The following CSMD1 variants were observed in gnomAD, a reference collection of about 807,000 sequenced individuals.
CSMD1 encodes the protein CUB and Sushi multiple domains 1, also known as CUB and sushi domain-containing protein 1.
CSMD1 carries 213 observed loss-of-function variants against 417.5 expected under a neutral mutation model. That is an observed-to-expected ratio of 0.51 (90% confidence interval 0.46 to 0.57). The LOEUF is 0.57. CSMD1 is among the 20% of genes least tolerant of loss of function. The pLI is 0.00. For missense variants in CSMD1, 6,923 were observed against 4,529.7 expected, an observed-to-expected ratio of 1.53 and a Z score of -15.17; for synonymous variants, 2,862 against 1,736.8, an observed-to-expected ratio of 1.65 and a Z score of -16.11.
At chr8:3,420,808 C>T (rs571802900) in intron 12 of CSMD1, among the ~76,000 whole-genome samples, 1 of 152,198 alleles carries the variant, frequency 6.6e-6, no homozygotes, top group Non-Finnish European at 1.5e-5. Context: ...GGATTGAAAA[C>T]ATTCCTTAAA....
At chr8:3,935,755 C>A (rs1255955926) in intron 5 of CSMD1, among the ~76,000 whole-genome samples, 2 of 152,142 alleles carry the variant, frequency 1.3e-5, no homozygotes, top group African/African-American at 4.8e-5. Flanking sequence ...CCGTGAGACA[C>A]AGCAATAATC....
intron 41 of CSMD1, among the ~76,000 whole-genome samples, chr8:3,135,268 A>C (rs943863955): frequency 3.9e-5 from 6 of 152,238 alleles, no homozygotes; most frequent in African/African-American, 1.4e-4. Context: ...ACATGAGGAC[A>C]TAAGAAAACA....
intron 12 of CSMD1, among the ~76,000 whole-genome samples, chr8:3,452,615 A>T (rs1208461133): frequency 2.0e-5 from 3 of 152,224 alleles, no homozygotes; most frequent in African/African-American, 4.8e-5. Flanking sequence ...ATGCTGGATT[A>T]TGTTAATTGA....
chr8:3,201,565 C>T lies in CSMD1; in HGVS notation c.5098+47G>A, dbSNP rs1796994079. ...AAACAGACAAGTTAAAAATTAATCC[C>T]CCTAGCTGTCTGAACTAAATTAAGG... On this transcript the variant is annotated intron_variant, in intron 32 of 69. Coordinates refer to ENST00000635120, the MANE Select transcript of CSMD1 (RefSeq NM_033225.6). 4.9e-6 allele frequency: 5 copies of T among 1,011,180 alleles called. No homozygotes were observed. In the Admixed American group the frequency reaches 8.8e-5, roughly 18 times the overall value. 62.6% of individuals were successfully genotyped at this position (1,011,180 alleles called of 1,614,324 possible). A position where few individuals can be genotyped will look rare whatever the true frequency, so the allele number is the denominator to read the frequency against.
chr8:3,100,804 G>A (rs28399802), intron 46 of CSMD1, among the ~76,000 whole-genome samples: 4,458 of 152,184 alleles, frequency 0.029, 208 homozygotes, highest in African/African-American at 0.099. Context: ...AGCATAAATT[G>A]GGATTTATGA....
chr8:3,294,617 G>A (rs965427587), intron 25 of CSMD1, among the ~76,000 whole-genome samples: 2 of 152,196 alleles, frequency 1.3e-5, no homozygotes, highest in Admixed American at 6.5e-5. Context: ...GACCCTCTGA[G>A]TCATGCACGG....
intron 10 of CSMD1, among the ~76,000 whole-genome samples, chr8:3,542,716 G>C (rs779850718): frequency 6.6e-6 from 1 of 152,176 alleles, no homozygotes; most frequent in Non-Finnish European, 1.5e-5. Flanking sequence ...AAATGTGCTG[G>C]GGATGCTGTA....
At chr8:4,183,212 G>C (rs905979942) in intron 3 of CSMD1, among the ~76,000 whole-genome samples, 1 of 152,122 alleles carries the variant, frequency 6.6e-6, no homozygotes, top group Non-Finnish European at 1.5e-5. Context: ...GGTATACAGA[G>C]TTTGGAAAAT....
intron 3 of CSMD1, among the ~76,000 whole-genome samples, chr8:4,038,710 A>G (rs1451563940): frequency 6.6e-6 from 1 of 152,190 alleles, no homozygotes; most frequent in Admixed American, 6.5e-5. Context: ...CAAGAAAGCA[A>G]TACTTATTTA....
chr8:4,039,863 G>C (rs148185942), intron 3 of CSMD1, among the ~76,000 whole-genome samples: 8 of 152,306 alleles, frequency 5.3e-5, no homozygotes, highest in African/African-American at 1.7e-4. Flanking sequence ...AAGTGATTTT[G>C]TAATGTTGGA....
intron 3 of CSMD1, among the ~76,000 whole-genome samples, chr8:4,047,650 A>T (rs918428599): frequency 3.3e-5 from 5 of 152,190 alleles, no homozygotes; most frequent in African/African-American, 1.2e-4. Context: ...CTCAGTGAGT[A>T]TATTTGGGGC....
intron 5 of CSMD1, among the ~76,000 whole-genome samples, chr8:3,930,053 G>A (rs949854864): frequency 6.7e-6 from 1 of 150,170 alleles, no homozygotes; most frequent in African/African-American, 2.5e-5. Flanking sequence ...CTCTGAGAGG[G>A]GGTATGTGTT....
At chr8:4,047,274 T>TGGGAGGAA (rs1223353595) in intron 3 of CSMD1, among the ~76,000 whole-genome samples, 1 of 151,680 alleles carries the variant, frequency 6.6e-6, no homozygotes, top group African/African-American at 2.4e-5. Context: ...TATTCTGGAG[T>TGGGAGGAA]GGGAGGAAGG....
At position 4,923,593 on chromosome 8, in the gene CSMD1, C is replaced by A. The variant is rs192716754; in HGVS notation, c.85+70739G>T. ...ATATAAAATGAAGCCCTTGTGATAACCTCATTGAGTTTAAACATACACACT... is the reference window on the plus strand; with the variant it reads ...ATATAAAATGAAGCCCTTGTGATAAACTCATTGAGTTTAAACATACACACT... On this transcript the variant is annotated intron_variant, in intron 1 of 69. Coordinates refer to ENST00000635120, the MANE Select transcript of CSMD1 (RefSeq NM_033225.6). 8.1e-3 allele frequency among the ~76,000 whole-genome samples: 1,096 copies of A among 135,208 alleles called. 13 individuals are homozygous for A. Among genetic ancestry groups the A allele is most frequent in the African/African-American group, 0.027 (1,063 of 39,542 alleles). 88.7% of individuals were successfully genotyped at this position (135,208 alleles called of 152,430 possible).
chr8:4,041,107 C>T lies in CSMD1; in HGVS notation c.416-9008G>A, dbSNP rs1009784507. On this transcript the variant is annotated intron_variant, in intron 3 of 69. Coordinates refer to ENST00000635120, the MANE Select transcript of CSMD1 (RefSeq NM_033225.6). ...TCTCGGCTCACTGCAAGCTCCGCCT[C>T]CCGGGTTCCCGCCATTCTCCTGCCT... Among the ~76,000 whole-genome samples the T allele has an allele frequency of 4.7e-5, 7 of 148,712 alleles. No individual in the cohort carries two copies. The South Asian group carries it at 6.4e-4, about 13-fold the overall frequency.
At chr8:4,056,504 G>C (rs982546841) in intron 3 of CSMD1, among the ~76,000 whole-genome samples, 3 of 151,034 alleles carry the variant, frequency 2.0e-5, no homozygotes, top group African/African-American at 7.3e-5. Context: ...AAAAATATTG[G>C]GCTACTAAGG....
At chr8:4,248,669 C>G (rs1389744070) in intron 3 of CSMD1, among the ~76,000 whole-genome samples, 2 of 152,140 alleles carry the variant, frequency 1.3e-5, no homozygotes, top group Non-Finnish European at 2.9e-5. Flanking sequence ...CACCATCAGC[C>G]TCCTGTCCTG....
chr8:3,111,740 G>A (rs1258211692), intron 42 of CSMD1, among the ~76,000 whole-genome samples: 3 of 152,124 alleles, frequency 2.0e-5, no homozygotes, highest in Non-Finnish European at 4.4e-5. Flanking sequence ...GTTGAGGCAG[G>A]AGAATTGCTT....
chr8:3,985,790 C>T (rs933682257), intron 5 of CSMD1, among the ~76,000 whole-genome samples: 43 of 149,382 alleles, frequency 2.9e-4, no homozygotes, highest in African/African-American at 9.6e-4. Context: ...GAGTCTCACC[C>T]TGTCGCCCAG....
Sources: gnomAD v4.1 joint callset for allele counts (sites outside exome capture counted in the v4.1 genomes callset) on GRCh38, gnomAD v4.1.1 for gene constraint, MANE v1.5 for transcripts, NCBI Gene and HGNC (gene_info 2026-07-23, HGNC 2026-07-21) for gene names.